Variants in RANBP2 observed in about 807,000 individuals in gnomAD.
RANBP2 encodes the protein RAN binding protein 2.
A neutral mutation model predicts 303.6 loss-of-function variants in RANBP2; 57 were observed. That is an observed-to-expected ratio of 0.19 (90% confidence interval 0.15 to 0.23). The LOEUF (loss-of-function observed/expected upper bound fraction) is 0.23. Ranked by LOEUF, RANBP2 falls within the 10% of genes least tolerant of loss-of-function variation. The pLI is 1.00. For synonymous variants in RANBP2, 1,167 were observed against 1,301.5 expected, an observed-to-expected ratio of 0.90 and a Z score of 2.23; for missense variants, 3,138 against 3,780.8, an observed-to-expected ratio of 0.83 and a Z score of 4.46.
chr2:109,616,017 A>T, the RANBP2 span: 1 of 1,526,010 alleles, frequency 6.6e-7, no homozygotes, highest in Non-Finnish European at 8.8e-7. Flanking sequence ...ACGACCTGTT[A>T]AAGGCCACTC....
chr2:109,296,133 G>T, the RANBP2 span, among the ~76,000 whole-genome samples: 1 of 152,040 alleles, frequency 6.6e-6, no homozygotes, highest in Non-Finnish European at 1.5e-5. Context: ...ACGTCTGTGC[G>T]CAGCCCCCAA....
chr2:108,887,412 T>C, the RANBP2 span, among the ~76,000 whole-genome samples: 2 of 152,128 alleles, frequency 1.3e-5, no homozygotes, highest in African/African-American at 4.8e-5. Context: ...CTGTGAAAAG[T>C]GATGTTGGTA....
the RANBP2 span, among the ~76,000 whole-genome samples, chr2:109,639,022 A>G: frequency 6.6e-6 from 1 of 152,278 alleles, no homozygotes; most frequent in East Asian, 1.9e-4. Context: ...TTTCTACACA[A>G]TATTCTCTGA....
At chr2:109,419,690 C>G in the RANBP2 span, 1 of 1,525,860 alleles carries the variant, frequency 6.6e-7, no homozygotes, top group East Asian at 2.4e-5. Flanking sequence ...GCAGCCCTCC[C>G]TCCTGCCTGG....
chr2:108,723,290 T>G (rs1002522185), intron 1 of RANBP2, among the ~76,000 whole-genome samples: 3 of 151,582 alleles, frequency 2.0e-5, no homozygotes, highest in African/African-American at 7.3e-5. Context: ...TTTCTTTTTT[T>G]TTTTTTTGAG....
chr2:109,416,760 G>A, the RANBP2 span, among the ~76,000 whole-genome samples: 1 of 151,968 alleles, frequency 6.6e-6, no homozygotes, highest in Non-Finnish European at 1.5e-5. Flanking sequence ...CAAAATATTA[G>A]CCGGGGGTGG....
chr2:108,736,355 A>C, intron 6 of RANBP2, 106 bp downstream of exon 6: 3 of 1,593,292 alleles, frequency 1.9e-6, no homozygotes, highest in East Asian at 4.5e-5. Context: ...TGTATAATGT[A>C]CCTAGGAGTT....
At chr2:109,041,696 T>A in the RANBP2 span, among the ~76,000 whole-genome samples, 902 of 141,670 alleles carry the variant, frequency 6.4e-3, 10 homozygotes, top group South Asian at 0.023. Flanking sequence ...TTTTTTTTTT[T>A]TTTTTTTTTT....
chr2:109,073,281 G>C, the RANBP2 span, among the ~76,000 whole-genome samples: 2 of 152,236 alleles, frequency 1.3e-5, no homozygotes, highest in South Asian at 4.2e-4. Context: ...ATTTAATAGA[G>C]GGGTTCAATA....
chr2:108,772,939 T>C lies in RANBP2; in HGVS notation c.8185T>C (p.Leu2729=). 6.2e-7 allele frequency: 1 copy of C among 1,614,060 alleles called. No individual in the cohort carries two copies. Among genetic ancestry groups the C allele is most frequent in the Non-Finnish European group, 8.5e-7 (1 of 1,179,978 alleles). ...TGAAGAGAAGGCAAAAGCAGATACG[T>C]TAAAACTTCCACCTACATTTTTTTG... The part of the protein sequence containing the change: ...TVEEKAKADT[L]KLPPTFFCGV... Residue 2729 remains leucine, a synonymous_variant, in exon 23 of 29, where the codon TTA becomes CTA. Transcript: ENST00000283195.
In RANBP2 at chr2:108,731,366, G is replaced by T. The variant is rs778799923; in HGVS notation, c.297G>T (p.Lys99Asn). 3.7e-6 allele frequency: 6 copies of T among 1,611,384 alleles called. No individual in the cohort carries two copies. Among genetic ancestry groups the T allele is most frequent in the Non-Finnish European group, 5.1e-6 (6 of 1,179,586 alleles). The part of the protein sequence containing the change: ...LNPTQKDLVL[K>N]IAELLCKNDV... ...CAACACAAAAAGATCTTGTGTTGAA[G>T]ATTGCAGAATTGCTTTGTAAAAATG... The change falls in exon 4 of 29, where the codon AAG (lysine) becomes AAT (asparagine). Residue 99 changes from lysine (K) to asparagine (N), a missense_variant. Physicochemically the swap from Lys to Asn is moderately conservative, Grantham distance 94. Transcript: ENST00000283195.
chr2:109,646,497 A>G, the RANBP2 span, among the ~76,000 whole-genome samples: 2 of 147,098 alleles, frequency 1.4e-5, no homozygotes, highest in Admixed American at 6.8e-5. Flanking sequence ...ACGGCTAATA[A>G]TTTTTTTTTT....
At chr2:109,115,206 ATCTG>A in the RANBP2 span, among the ~76,000 whole-genome samples, 1 of 152,124 alleles carries the variant, frequency 6.6e-6, no homozygotes, top group Admixed American at 6.6e-5. Context: ...TGTCTCGTTG[ATCTG>A]TCTAATGTTG....
the RANBP2 span, among the ~76,000 whole-genome samples, chr2:109,582,811 T>C: frequency 1.3e-5 from 2 of 152,112 alleles, no homozygotes; most frequent in African/African-American, 2.4e-5. Context: ...GACAGCATGG[T>C]TGTGGTATAA....
At chr2:109,544,523 G>C in the RANBP2 span, 1 of 984,968 alleles carries the variant, frequency 1.0e-6, no homozygotes, top group Non-Finnish European at 1.2e-6. Flanking sequence ...GCTTGGTCCT[G>C]ATTTTGCAAA....
At chr2:109,236,362 G>T in the RANBP2 span, among the ~76,000 whole-genome samples, 1 of 152,168 alleles carries the variant, frequency 6.6e-6, no homozygotes, top group Non-Finnish European at 1.5e-5. Flanking sequence ...GAGCATCCCA[G>T]TGAAGCACTC....
At chr2:109,414,890 C>G in the RANBP2 span, among the ~76,000 whole-genome samples, 1 of 152,228 alleles carries the variant, frequency 6.6e-6, no homozygotes, top group South Asian at 2.1e-4. Flanking sequence ...CCACACATGT[C>G]CAAGTGCTGA....
chr2:109,707,143 A>G, the RANBP2 span, among the ~76,000 whole-genome samples: 1 of 152,236 alleles, frequency 6.6e-6, no homozygotes, highest in Non-Finnish European at 1.5e-5. Context: ...ATTTATTTAT[A>G]TAAACAATTT....
the RANBP2 span, among the ~76,000 whole-genome samples, chr2:108,949,380 T>C: frequency 4.6e-5 from 7 of 152,206 alleles, no homozygotes; most frequent in Non-Finnish European, 7.3e-5. Context: ...TCTGATAATT[T>C]TGCTTTTCAG....
Sources: gnomAD v4.1 joint callset for allele counts (sites outside exome capture counted in the v4.1 genomes callset) on GRCh38, gnomAD v4.1.1 for gene constraint, MANE v1.5 for transcripts, NCBI Gene and HGNC (gene_info 2026-07-23, HGNC 2026-07-21) for gene names.